ANKS1B: variants seen among roughly 807,000 people sequenced by gnomAD.
ANKS1B encodes ankyrin repeat and sterile alpha motif domain containing 1B, also known as ankyrin repeat and sterile alpha motif domain-containing protein 1B.
Under a neutral mutation model 148.3 loss-of-function variants are expected in ANKS1B, and 36 were observed. That is an observed-to-expected ratio of 0.24 (90% CI 0.19 to 0.32). ANKS1B has a LOEUF of 0.32. ANKS1B is among the 10% of genes least tolerant of loss of function. The pLI is 1.00. For missense variants in ANKS1B, 1,157 were observed against 1,542.6 expected, an observed-to-expected ratio of 0.75 and a Z score of 4.19; for synonymous variants, 542 against 560.8, an observed-to-expected ratio of 0.97 and a Z score of 0.47.
chr12:99,426,277 T>C (rs903206903), intron 11 of ANKS1B, among the ~76,000 whole-genome samples: 1 of 152,186 alleles, frequency 6.6e-6, no homozygotes, highest in Non-Finnish European at 1.5e-5. Flanking sequence ...TATTATTTCA[T>C]GTATAATTGC....
intron 9 of ANKS1B, among the ~76,000 whole-genome samples, chr12:98,737,832 T>TAA (rs1330054088): frequency 6.6e-6 from 1 of 152,236 alleles, no homozygotes; most frequent in African/African-American, 2.4e-5. Flanking sequence ...CTGGAGTGTT[T>TAA]AAGTCAGCAA....
intron 9 of ANKS1B, among the ~76,000 whole-genome samples, chr12:99,532,106 A>G (rs2097001229): frequency 6.6e-6 from 1 of 151,800 alleles, no homozygotes; most frequent in African/African-American, 2.4e-5. Context: ...GTGCTTTGTC[A>G]GATATACAGT....
chr12:99,305,864 C>A (rs1392376125), intron 12 of ANKS1B, among the ~76,000 whole-genome samples: 3 of 152,104 alleles, frequency 2.0e-5, no homozygotes, highest in Non-Finnish European at 4.4e-5. Context: ...ATGGAGAACC[C>A]ATTTCTTTCT....
chr12:99,715,636 G>A (rs1314698853), intron 8 of ANKS1B, among the ~76,000 whole-genome samples: 4 of 152,034 alleles, frequency 2.6e-5, no homozygotes, highest in African/African-American at 9.7e-5. Flanking sequence ...AGATCCCTTG[G>A]GAGATCAATC....
intron 10 of ANKS1B, among the ~76,000 whole-genome samples, chr12:99,457,029 T>A (rs1206269651): frequency 6.6e-6 from 1 of 152,102 alleles, no homozygotes; most frequent in East Asian, 1.9e-4. Context: ...AGATAACCTA[T>A]AAAGGAAAAC....
At position 99,216,230 on chromosome 12, in the gene ANKS1B, T is replaced by A. The variant is rs201537440; in HGVS notation, c.2419+28112A>T. On this transcript the variant is annotated intron_variant, in intron 14 of 26. Coordinates refer to ENST00000683438, the MANE Select transcript of ANKS1B (RefSeq NM_001352186.2). ...TGTGGAACTGTGAGTCCATTAAACC[T>A]CTTTTTCTTTATAAATTACCCACAT... Among the ~76,000 whole-genome samples, 6 of 152,346 alleles carry A rather than the reference T, an allele frequency of 3.9e-5. No individual in the cohort carries two copies. In the East Asian group the frequency reaches 1.2e-3, roughly 29 times the overall value.
intron 11 of ANKS1B, among the ~76,000 whole-genome samples, chr12:99,421,009 G>A (rs903407607): frequency 6.6e-6 from 1 of 152,142 alleles, no homozygotes; most frequent in Non-Finnish European, 1.5e-5. Context: ...TTACAGTTTA[G>A]TATTTGCATT....
At chr12:99,171,767 G>C (rs1309408745) in intron 14 of ANKS1B, among the ~76,000 whole-genome samples, 1 of 152,066 alleles carries the variant, frequency 6.6e-6, no homozygotes, top group African/African-American at 2.4e-5. Flanking sequence ...TTTTGTTCTT[G>C]TTTTCCCTTC....
intron 9 of ANKS1B, among the ~76,000 whole-genome samples, chr12:99,590,422 A>T (rs1430311101): frequency 1.3e-5 from 2 of 152,110 alleles, no homozygotes; most frequent in African/African-American, 4.8e-5. Flanking sequence ...CCTTTTTCTT[A>T]ATTATCTGTC....
chr12:99,455,132 T>G (rs967473429), intron 10 of ANKS1B, among the ~76,000 whole-genome samples: 5 of 152,158 alleles, frequency 3.3e-5, no homozygotes, highest in Non-Finnish European at 5.9e-5. Context: ...GTACTCTTAG[T>G]GGTCCCTGTA....
intron 14 of ANKS1B, among the ~76,000 whole-genome samples, chr12:99,171,102 G>A (rs995857331): frequency 4.6e-5 from 7 of 152,194 alleles, no homozygotes; most frequent in Non-Finnish European, 1.5e-5. Flanking sequence ...TGTGATACAG[G>A]TATAGGAGCT....
intron 9 of ANKS1B, among the ~76,000 whole-genome samples, chr12:99,629,562 A>G (rs1378481276): frequency 6.6e-6 from 1 of 152,158 alleles, no homozygotes; most frequent in Non-Finnish European, 1.5e-5. Flanking sequence ...CTAGGATGTA[A>G]GTGCTGTTAC....
At chr12:99,836,516 A>C (rs2084886737) in intron 1 of ANKS1B, among the ~76,000 whole-genome samples, 1 of 152,172 alleles carries the variant, frequency 6.6e-6, no homozygotes, top group African/African-American at 2.4e-5. Flanking sequence ...ATGCGAATTG[A>C]ATGACTATGA....
At chr12:98,885,220 G>A (rs1470954135) in intron 17 of ANKS1B, among the ~76,000 whole-genome samples, 1 of 151,890 alleles carries the variant, frequency 6.6e-6, no homozygotes, top group Non-Finnish European at 1.5e-5. Context: ...GTAAACATTA[G>A]TAAAATGAAA....
intron 1 of ANKS1B, among the ~76,000 whole-genome samples, chr12:99,923,954 T>C (rs2094426834): frequency 1.3e-5 from 2 of 152,182 alleles, no homozygotes; most frequent in African/African-American, 2.4e-5. Context: ...CATATTTTGT[T>C]CATCACAGAC....
In ANKS1B at chr12:98,745,825, T is replaced by C. The variant is rs773243381; in HGVS notation, c.3772A>G (p.Thr1258Ala). 6 of 1,613,236 alleles carry C rather than the reference T, an allele frequency of 3.7e-6. No homozygotes were observed. The South Asian group carries it at 6.6e-5, about 18-fold the overall frequency. The part of the protein sequence containing the change: ...SVQIDPSEQK[T>A]LANLPWIVEP... ...ACAATCCACGGTAGATTGGCCAGAG[T>C]CTTTTGCTCAGATGGGTCGATCTGC... Residue 1258 changes from threonine to alanine, a missense_variant, in exon 27 of 27, where the codon ACT becomes GCT. Physicochemically the swap from Thr to Ala is moderately conservative, Grantham distance 58. Coordinates refer to ENST00000683438, the MANE Select transcript of ANKS1B (RefSeq NM_001352186.2).
chr12:99,542,866 G>C (rs1440881349), intron 9 of ANKS1B, among the ~76,000 whole-genome samples: 20 of 152,014 alleles, frequency 1.3e-4, no homozygotes, highest in Non-Finnish European at 2.9e-4. Context: ...TAAACGAAAG[G>C]GTAAACTCTA....
intron 21 of ANKS1B, among the ~76,000 whole-genome samples, chr12:98,799,348 TA>T (rs1368616153): frequency 6.6e-6 from 1 of 152,130 alleles, no homozygotes; most frequent in Non-Finnish European, 1.5e-5. Context: ...TAAATCACAC[TA>T]CTATCTCTGT....
At chr12:99,497,730 T>A (rs1270071138) in intron 10 of ANKS1B, among the ~76,000 whole-genome samples, 7 of 150,790 alleles carry the variant, frequency 4.6e-5, no homozygotes, top group Non-Finnish European at 1.0e-4. Flanking sequence ...GTACTATAGG[T>A]TAGGATTCCA....
Sources: allele counts gnomAD v4.1 joint callset (sites outside exome capture counted in the v4.1 genomes callset), GRCh38; gene constraint gnomAD v4.1.1; transcripts MANE v1.5; gene names NCBI Gene and HGNC (gene_info 2026-07-23, HGNC 2026-07-21).